SAMSN1: variants seen among roughly 807,000 people sequenced by gnomAD.
SAMSN1 encodes SAM domain-containing protein SAMSN-1.
A neutral mutation model predicts 42.0 loss-of-function variants in SAMSN1; 31 were observed. That is an observed-to-expected ratio of 0.74 (90% CI 0.55 to 1.00). The LOEUF (loss-of-function observed/expected upper bound fraction) is 1.00. Ranked by LOEUF, SAMSN1 falls within the 50% of genes least tolerant of loss-of-function variation. The probability of loss-of-function intolerance (pLI) is 0.00; values close to 1 mark genes in which losing one functional copy is unlikely to be tolerated. For synonymous variants in SAMSN1, 178 were observed against 151.9 expected (o/e 1.17, Z -1.26); for missense variants, 464 against 439.4 (o/e 1.06, Z -0.50).
intron 2 of SAMSN1, among the ~76,000 whole-genome samples, chr21:14,635,414 T>C (rs191320766): frequency 2.2e-4 from 34 of 152,292 alleles, no homozygotes; most frequent in African/African-American, 8.2e-4. Flanking sequence ...CTATAATAGA[T>C]GTTCTTGTTT....
At chr21:14,652,012 A>T (rs559960471) in intron 1 of SAMSN1, among the ~76,000 whole-genome samples, 1 of 152,168 alleles carries the variant, frequency 6.6e-6, no homozygotes, top group South Asian at 2.1e-4. Context: ...GGACATAAAA[A>T]ATTTGAAAAT....
At chr21:14,495,103 T>C (rs1433940462) in intron 7 of SAMSN1, among the ~76,000 whole-genome samples, 1 of 152,202 alleles carries the variant, frequency 6.6e-6, no homozygotes, top group Non-Finnish European at 1.5e-5. Flanking sequence ...TCCTAGAAAA[T>C]TTACATGTCC....
chr21:14,621,751 C>T (rs1265544561), intron 2 of SAMSN1, among the ~76,000 whole-genome samples: 1 of 152,214 alleles, frequency 6.6e-6, no homozygotes, highest in African/African-American at 2.4e-5. Flanking sequence ...TTAAATGTCC[C>T]TGTCTGACAG....
Position 14,512,464 on chromosome 21 carries a change from T to C in SAMSN1, c.389A>G (p.Tyr130Cys), listed in dbSNP as rs1339852064. The change falls in exon 4 of 8, where the codon TAC (tyrosine) becomes TGC (cysteine). Residue 130 changes from tyrosine to cysteine, a missense_variant. Transcript: ENST00000400566. The stretch of plus-strand genomic sequence containing the variant: ...CTTACTTGATGAGCTCTGTCCACTG[T>C]AGAGACTATCCATGGAGTCACTGGC... ...LKASDSMDSL[Y>C]SGQSSSSGIT... The C allele has an allele frequency of 2.5e-6, 4 of 1,614,054 alleles. No homozygotes were observed. Among genetic ancestry groups the C allele is most frequent in the Non-Finnish European group, 2.5e-6 (3 of 1,179,912 alleles).
At chr21:14,491,484 T>A (rs563191054) in intron 7 of SAMSN1, among the ~76,000 whole-genome samples, 1 of 152,290 alleles carries the variant, frequency 6.6e-6, no homozygotes, top group African/African-American at 2.4e-5. Context: ...AAGAAAAGTA[T>A]CATTCTTATC....
chr21:14,523,268 G>A (rs546543773), intron 1 of SAMSN1: 8 of 152,270 alleles, frequency 5.3e-5, no homozygotes, highest in African/African-American at 1.2e-4. Flanking sequence ...AAAAGATCCT[G>A]ACCTCTGGCA....
intron 7 of SAMSN1, among the ~76,000 whole-genome samples, chr21:14,489,249 A>C (rs925336158): frequency 1.3e-5 from 2 of 152,208 alleles, no homozygotes; most frequent in Admixed American, 1.3e-4. Context: ...CATTGGAATA[A>C]GAAACAGGTT....
At chr21:14,554,698 C>CTTTTT (rs34880996) in intron 2 of SAMSN1, among the ~76,000 whole-genome samples, 4 of 130,518 alleles carry the variant, frequency 3.1e-5, no homozygotes, top group Non-Finnish European at 4.8e-5. Flanking sequence ...TTTTCTTTTT[C>CTTTTT]TTTTTTTTTT....
intron 7 of SAMSN1, among the ~76,000 whole-genome samples, chr21:14,489,809 A>G (rs1278501376): frequency 1.3e-5 from 2 of 152,170 alleles, no homozygotes; most frequent in Admixed American, 1.3e-4. Flanking sequence ...ATTTTAAGAT[A>G]GTTATCAATG....
intron 1 of SAMSN1, among the ~76,000 whole-genome samples, chr21:14,645,275 C>T (rs915484905): frequency 3.3e-5 from 5 of 152,204 alleles, no homozygotes; most frequent in Non-Finnish European, 4.4e-5. Flanking sequence ...CACAGGGGTG[C>T]CAGTGTCATT....
chr21:14,644,351 T>C (rs1983667901), intron 1 of SAMSN1, among the ~76,000 whole-genome samples: 1 of 151,928 alleles, frequency 6.6e-6, no homozygotes, highest in Non-Finnish European at 1.5e-5. Context: ...AATAGGGCAC[T>C]GATAAGAGTC....
At chr21:14,539,646 A>T (rs1979872955) in intron 1 of SAMSN1, among the ~76,000 whole-genome samples, 1 of 152,068 alleles carries the variant, frequency 6.6e-6, no homozygotes, top group Admixed American at 6.6e-5. Flanking sequence ...ATAAAAGAAG[A>T]TACAAACAAA....
At chr21:14,565,628 A>G (rs1345504324) in intron 2 of SAMSN1, among the ~76,000 whole-genome samples, 1 of 152,176 alleles carries the variant, frequency 6.6e-6, no homozygotes, top group African/African-American at 2.4e-5. Context: ...CATCCTAACA[A>G]TAAGTCTGAG....
chr21:14,539,977 G>T (rs1035389609), intron 1 of SAMSN1, among the ~76,000 whole-genome samples: 3 of 152,134 alleles, frequency 2.0e-5, no homozygotes, highest in Non-Finnish European at 4.4e-5. Flanking sequence ...AGAGCCCTCA[G>T]AAATAATGCC....
intron 1 of SAMSN1, among the ~76,000 whole-genome samples, chr21:14,652,189 A>T (rs533335820): frequency 6.6e-6 from 1 of 152,202 alleles, no homozygotes; most frequent in African/African-American, 2.4e-5. Context: ...TGGAAAAAAA[A>T]TCCTAAAATT....
At chr21:14,536,345 G>T (rs1041015387) in intron 1 of SAMSN1, among the ~76,000 whole-genome samples, 7 of 152,184 alleles carry the variant, frequency 4.6e-5, no homozygotes, top group African/African-American at 1.4e-4. Flanking sequence ...AACAAATCCA[G>T]CATCTTGGTA....
intron 2 of SAMSN1, among the ~76,000 whole-genome samples, chr21:14,635,875 G>A (rs1007035383): frequency 1.3e-5 from 2 of 151,948 alleles, no homozygotes; most frequent in East Asian, 1.9e-4. Context: ...TGTGCACAAC[G>A]TTGTATACAT....
At position 14,508,676 on chromosome 21, in the gene SAMSN1, G is replaced by A. The variant is rs565449758; in HGVS notation, c.561+1634C>T. Among the ~76,000 whole-genome samples the A allele has an allele frequency of 4.6e-4, 70 of 152,278 alleles. 2 individuals carry two copies. Among genetic ancestry groups the A allele is most frequent in the Admixed American group, 1.4e-3 (21 of 15,294 alleles). ...TTCCTTAAAGAACTAAAAGTAGAAC[G>A]ACCATTTGATTCAGCAATTCCACTG... On this transcript the variant is annotated intron_variant, in intron 5 of 7. Transcript: ENST00000400566.
At chr21:14,648,114 GC>G (rs1983754923) in intron 1 of SAMSN1, among the ~76,000 whole-genome samples, 1 of 151,236 alleles carries the variant, frequency 6.6e-6, no homozygotes, top group East Asian at 2.0e-4. Context: ...TATGATATTG[GC>G]TGTGGGTTTG....
Sources: gnomAD v4.1 joint callset for allele counts (sites outside exome capture counted in the v4.1 genomes callset) on GRCh38, gnomAD v4.1.1 for gene constraint, MANE v1.5 for transcripts, NCBI Gene and HGNC (gene_info 2026-07-23, HGNC 2026-07-21) for gene names.